SLC8A1: variants seen among roughly 807,000 people sequenced by gnomAD.
SLC8A1 encodes the protein solute carrier family 8 member A1.
In SLC8A1, 18 loss-of-function variants were observed where a neutral mutation model predicts 68.3. That is an observed-to-expected ratio of 0.26 (90% CI 0.18 to 0.39). SLC8A1 has a LOEUF of 0.39. Ranked by LOEUF, SLC8A1 falls within the 10% of genes least tolerant of loss-of-function variation. The pLI is 1.00. For synonymous variants in SLC8A1, 475 were observed against 415.5 expected (o/e 1.14, Z -1.74); for missense variants, 985 against 1,156.7 (o/e 0.85, Z 2.15).
chr2:40,363,245 A>C (rs1183345796), intron 2 of SLC8A1, among the ~76,000 whole-genome samples: 1 of 152,144 alleles, frequency 6.6e-6, no homozygotes, highest in Non-Finnish European at 1.5e-5. Context: ...ATTTAAAGTT[A>C]AAGCTCATTG....
intron 2 of SLC8A1, among the ~76,000 whole-genome samples, chr2:40,195,253 A>G (rs1281038644): frequency 6.6e-6 from 1 of 152,072 alleles, no homozygotes; most frequent in African/African-American, 2.4e-5. Flanking sequence ...AACACATGTG[A>G]TATGCAGAAA....
chr2:40,403,020 G>A (rs984077793), intron 2 of SLC8A1, among the ~76,000 whole-genome samples: 1 of 152,106 alleles, frequency 6.6e-6, no homozygotes, highest in Admixed American at 6.6e-5. Flanking sequence ...CTTCCATAAT[G>A]ACACTTACAT....
chr2:40,486,207 A>G (rs1455693708), intron 1 of SLC8A1, among the ~76,000 whole-genome samples: 1 of 152,108 alleles, frequency 6.6e-6, no homozygotes, highest in Non-Finnish European at 1.5e-5. Context: ...CCATGATTGT[A>G]AATTTCCTGA....
At chr2:40,214,622 T>G (rs1423153693) in intron 2 of SLC8A1, among the ~76,000 whole-genome samples, 1 of 151,722 alleles carries the variant, frequency 6.6e-6, no homozygotes, top group Non-Finnish European at 1.5e-5. Flanking sequence ...TTTTTTTTTG[T>G]ATTTTTAGTA....
chr2:40,163,619 G>C (rs936317589), intron 5 of SLC8A1, among the ~76,000 whole-genome samples: 2 of 152,164 alleles, frequency 1.3e-5, no homozygotes, highest in African/African-American at 4.8e-5. Context: ...GCCAAGTTCT[G>C]TGTCATACAA....
exon 8 of SLC8A1, chr2:40,099,386 T>C (rs922038999): frequency 5.3e-5 from 8 of 152,104 alleles, no homozygotes; most frequent in Admixed American, 1.3e-4. Context: ...AGTTAAGTAT[T>C]ACTGATAAAC....
intron 6 of SLC8A1, among the ~76,000 whole-genome samples, chr2:40,156,671 T>C (rs1279625462): frequency 2.3e-5 from 3 of 128,228 alleles, no homozygotes; most frequent in Non-Finnish European, 5.0e-5. Context: ...CTAACAAATA[T>C]TAAGGAAAAA....
chr2:40,154,655 G>A (rs1004312612), intron 6 of SLC8A1, among the ~76,000 whole-genome samples: 1 of 151,850 alleles, frequency 6.6e-6, no homozygotes, highest in African/African-American at 2.4e-5. Flanking sequence ...ACACTCATAT[G>A]TCTTTGACAA....
chr2:40,110,482 T>C (rs1411308381), exon 8 of SLC8A1: 1 of 152,204 alleles, frequency 6.6e-6, no homozygotes, highest in African/African-American at 2.4e-5. Flanking sequence ...GCATGTTTCT[T>C]TTTCTGAAAT....
chr2:40,144,074 A>G (rs2042041440), intron 6 of SLC8A1, among the ~76,000 whole-genome samples: 2 of 152,198 alleles, frequency 1.3e-5, no homozygotes, highest in Admixed American at 6.5e-5. Flanking sequence ...TTTATAGACA[A>G]ATGTGCCATA....
At chr2:40,405,590 G>A (rs534078631) in intron 2 of SLC8A1, among the ~76,000 whole-genome samples, 5 of 152,104 alleles carry the variant, frequency 3.3e-5, no homozygotes, top group Non-Finnish European at 7.4e-5. Context: ...TTTTACTTTT[G>A]CATTCCAGCA....
At chr2:40,320,269 A>G (rs572722588) in intron 2 of SLC8A1, among the ~76,000 whole-genome samples, 64 of 152,246 alleles carry the variant, frequency 4.2e-4, no homozygotes, top group Non-Finnish European at 7.5e-4. Flanking sequence ...CAATGCAAAA[A>G]TAAACATCCG....
chr2:40,314,677 T>C (rs1469756527), intron 2 of SLC8A1, among the ~76,000 whole-genome samples: 1 of 152,084 alleles, frequency 6.6e-6, no homozygotes. Flanking sequence ...TTAATTACTC[T>C]CAGGAATGTT....
chr2:40,123,716 A>C (rs2037438708), intron 7 of SLC8A1, among the ~76,000 whole-genome samples: 1 of 152,240 alleles, frequency 6.6e-6, no homozygotes, highest in African/African-American at 2.4e-5. Flanking sequence ...AAAGTCCGTG[A>C]GGGCAAAAAG....
At chr2:40,347,447 G>A (rs367965860) in intron 2 of SLC8A1, among the ~76,000 whole-genome samples, 45 of 152,348 alleles carry the variant, frequency 3.0e-4, no homozygotes, top group African/African-American at 9.9e-4. Flanking sequence ...AGGCTTCAGA[G>A]CCAGACAGCT....
chr2:40,329,219 G>C, intron 2 of SLC8A1, among the ~76,000 whole-genome samples: 1 of 151,994 alleles, frequency 6.6e-6, no homozygotes. Flanking sequence ...GAAACCTTAC[G>C]CAACCGTTAG....
chr2:40,232,692 T>C (rs1574428992), intron 2 of SLC8A1, among the ~76,000 whole-genome samples: 2 of 138,720 alleles, frequency 1.4e-5, no homozygotes, highest in African/African-American at 2.7e-5. Context: ...GCTGGTGTGC[T>C]GCACCCACTA....
chr2:40,499,545 A>G (rs1192087892), intron 1 of SLC8A1, among the ~76,000 whole-genome samples: 1 of 152,088 alleles, frequency 6.6e-6, no homozygotes, highest in Non-Finnish European at 1.5e-5. Context: ...TTAAAAAAGT[A>G]TTGGTCATTT....
Position 40,315,482 on chromosome 2 carries a change from C to A in SLC8A1, c.1808+112991G>T, listed in dbSNP as rs35780638. Among the ~76,000 whole-genome samples, 125 of 138,740 alleles carry A rather than the reference C, an allele frequency of 9.0e-4. 1 individual carries two copies. Among genetic ancestry groups the A allele is most frequent in the Non-Finnish European group, 1.7e-3 (109 of 64,986 alleles). 91.0% of individuals were successfully genotyped at this position (138,740 alleles called of 152,430 possible). The stretch of plus-strand genomic sequence containing the variant: ...GAATTTCAGTTGGCTATCCCTGTTA[C>A]AACTGCTTTTGTATCTATATTTGCT... On this transcript the variant is annotated intron_variant, in intron 2 of 7. Coordinates refer to ENST00000406785, the Ensembl canonical transcript of SLC8A1.
Sources: gnomAD v4.1 joint callset for allele counts (sites outside exome capture counted in the v4.1 genomes callset) on GRCh38, gnomAD v4.1.1 for gene constraint, MANE v1.5 for transcripts, NCBI Gene and HGNC (gene_info 2026-07-23, HGNC 2026-07-21) for gene names.